The following STAT4 variants were observed in gnomAD, a reference collection of about 807,000 sequenced individuals.
The protein encoded by STAT4 is signal transducer and activator of transcription 4.
In STAT4, 42 loss-of-function variants were observed where a neutral mutation model predicts 110.5. The observed-to-expected ratio is 0.38, with a 90% CI of 0.30 to 0.49. STAT4 has a LOEUF of 0.49. Among genes scored for constraint, STAT4 ranks in the 20% least tolerant of loss-of-function variants. The pLI, the probability that STAT4 is intolerant of heterozygous loss-of-function variation, is 0.95. For synonymous variants in STAT4, 284 were observed against 302.2 expected (o/e 0.94, Z 0.63); for missense variants, 632 against 887.9 (o/e 0.71, Z 3.66).
Position 191,076,326 on chromosome 2 carries a change from C to CT in STAT4, c.274-2dup. 1 of 1,588,444 alleles carries CT rather than the reference C, an allele frequency of 6.3e-7. No homozygotes were observed. Among genetic ancestry groups the CT allele is most frequent in the South Asian group, 1.2e-5 (1 of 86,824 alleles). ...GCATTGGATTTCCATGAAATTTTCC[C>CT]TGAAAAAAAAAACAATGAGCAAAAA... is the stretch of plus-strand genomic sequence containing the variant. On this transcript the variant is annotated splice_acceptor_variant, in intron 3 of 23. Coordinates refer to ENST00000392320, the MANE Select transcript of STAT4 (RefSeq NM_003151.4). LOFTEE classifies it high-confidence loss of function.
intron 14 of STAT4, among the ~76,000 whole-genome samples, chr2:191,052,792 G>A (rs1166912189): frequency 6.6e-6 from 1 of 152,178 alleles, no homozygotes; most frequent in Admixed American, 6.5e-5. Flanking sequence ...TATTTAAAAT[G>A]TGCCAATGTT....
intron 3 of STAT4, among the ~76,000 whole-genome samples, chr2:191,096,466 T>C (rs564058021): frequency 2.6e-5 from 4 of 152,274 alleles, no homozygotes; most frequent in Admixed American, 1.3e-4. Flanking sequence ...TGGTTCAACA[T>C]ATGCAAATCG....
Position 191,031,154 on chromosome 2 carries a change from GGAA to G in STAT4, c.2112-77_2112-75del. ...TAGTTCACGGTGACTTACTATGTCAGGAACTCATTTCTAGGGCTTCATCTATTT... is the reference window on the plus strand; with the variant it reads ...TAGTTCACGGTGACTTACTATGTCAGCTCATTTCTAGGGCTTCATCTATTT... On this transcript the variant is annotated intron_variant, in intron 22 of 23. Coordinates refer to ENST00000392320, the MANE Select transcript of STAT4 (RefSeq NM_003151.4). The surrounding 1 kb of genome is among the most constrained non-coding windows in gnomAD (Gnocchi z 4.8). 6.9e-7 allele frequency: 1 copy of G among 1,459,850 alleles called. No homozygotes were observed. The highest frequency in any genetic ancestry group is 9.6e-7 in the Non-Finnish European group (1 of 1,045,544). 90.4% of individuals were successfully genotyped at this position (1,459,850 alleles called of 1,614,324 possible).
chr2:191,146,555 T>C lies in STAT4; in HGVS notation c.273+58A>G. 1 of 1,323,176 alleles carries C rather than the reference T, an allele frequency of 7.6e-7. No individual in the cohort carries two copies. The highest frequency in any genetic ancestry group is 9.8e-7 in the Non-Finnish European group (1 of 1,018,294). 82.0% of individuals were successfully genotyped at this position (1,323,176 alleles called of 1,614,324 possible). A position where few individuals can be genotyped will look rare whatever the true frequency, so the allele number is the denominator to read the frequency against. On this transcript the variant is annotated intron_variant, in intron 3 of 23. Transcript: ENST00000392320. The surrounding 1 kb of genome is among the most constrained non-coding windows in gnomAD (Gnocchi z 4.5). ...AATATAAGGGTACATATTTAATTTT[T>C]AACTAAATTTAAGACTCATATATCC...
chr2:191,105,674 A>T (rs1698259079), intron 3 of STAT4, among the ~76,000 whole-genome samples: 1 of 152,226 alleles, frequency 6.6e-6, no homozygotes, highest in Non-Finnish European at 1.5e-5. Flanking sequence ...AGTTTTAAAA[A>T]TTTAAAATCA....
rs1484765993 is a variant in STAT4, at chr2:191,035,495, C to A, written c.1570+669G>T. Among the ~76,000 whole-genome samples the A allele has an allele frequency of 2.0e-5, 3 of 152,116 alleles. No individual in the cohort carries two copies. Among genetic ancestry groups the A allele is most frequent in the Admixed American group, 1.3e-4 (2 of 15,266 alleles). ...AACGCATATAGATCTAATTTTAACTCTTTTTTTGGTGTTAAATATGTTAAA... is the reference window on the plus strand; with the variant it reads ...AACGCATATAGATCTAATTTTAACTATTTTTTTGGTGTTAAATATGTTAAA... On this transcript the variant is annotated intron_variant, in intron 17 of 23. Coordinates refer to ENST00000392320, the MANE Select transcript of STAT4 (RefSeq NM_003151.4). This position sits in a 1 kb window ranked among gnomAD's most constrained non-coding sequence, Gnocchi z 4.7.
At chr2:191,149,795 A>C (rs754300753) in intron 1 of STAT4, among the ~76,000 whole-genome samples, 7 of 152,226 alleles carry the variant, frequency 4.6e-5, no homozygotes, top group Non-Finnish European at 8.8e-5. Context: ...AGTTAATGAC[A>C]ACAGAGAACA....
At chr2:191,041,220 A>G in intron 14 of STAT4, 72 bp from the exon 15 acceptor site, 1 of 659,756 alleles carries the variant, frequency 1.5e-6, no homozygotes, top group African/African-American at 1.9e-5. Flanking sequence ...TTGTTTCTAT[A>G]TAAATTAATA....
Position 191,061,901 on chromosome 2 carries a change from T to C in STAT4, c.942-80A>G. 1.5e-6 allele frequency: 2 copies of C among 1,367,684 alleles called. No homozygotes were observed. Among genetic ancestry groups the C allele is most frequent in the East Asian group, 2.3e-5 (1 of 43,388 alleles). The allele number at this position is 1,367,684 out of a possible 1,614,324, so 84.7% of individuals were successfully genotyped here. A position where few individuals can be genotyped will look rare whatever the true frequency, so the allele number is the denominator to read the frequency against. On this transcript the variant is annotated intron_variant, in intron 9 of 23. Coordinates refer to ENST00000392320, the MANE Select transcript of STAT4 (RefSeq NM_003151.4). This position sits in a 1 kb window ranked among gnomAD's most constrained non-coding sequence, Gnocchi z 6.2. ...TGAAAACCACAGAGGAACAGGATGC[T>C]ATCCACTCAAAGTCCAAATTTTCTA...
rs1699485866 is a variant in STAT4, at chr2:191,147,258, C to G, written c.129-501G>C. Among the ~76,000 whole-genome samples, 3 of 152,078 alleles carry G rather than the reference C, an allele frequency of 2.0e-5. No homozygotes were observed. The South Asian group carries it at 6.2e-4, about 32-fold the overall frequency. On this transcript the variant is annotated intron_variant, in intron 2 of 23. Coordinates refer to ENST00000392320, the MANE Select transcript of STAT4 (RefSeq NM_003151.4). This position sits in a 1 kb window ranked among gnomAD's most constrained non-coding sequence, Gnocchi z 4.1. ...CAAAATGTTTGAACAACCCAAATGTCCATTGACAGATACATTTATAAAACA... is the reference window on the plus strand; with the variant it reads ...CAAAATGTTTGAACAACCCAAATGTGCATTGACAGATACATTTATAAAACA...
At chr2:191,084,842 T>A (rs1019446179) in intron 3 of STAT4, among the ~76,000 whole-genome samples, 6 of 151,946 alleles carry the variant, frequency 3.9e-5, no homozygotes, top group Non-Finnish European at 7.4e-5. Context: ...ATCTACTCTT[T>A]AATAAAAAAT....
rs768565504 is a variant in STAT4 at position 191,110,738 on chromosome 2, AT to A, written c.274-34414del. On this transcript the variant is annotated intron_variant, in intron 3 of 23. Coordinates refer to ENST00000392320, the MANE Select transcript of STAT4 (RefSeq NM_003151.4). This position sits in a 1 kb window ranked among gnomAD's most constrained non-coding sequence, Gnocchi z 4.5. ...AGTACCGTATCACTGAGTTTCTAAA[AT>A]TTATAGCACTACATTGAATTATATT... Among the ~76,000 whole-genome samples the A allele has an allele frequency of 6.6e-6, 1 of 152,148 alleles. No individual in the cohort carries two copies. Among genetic ancestry groups the A allele is most frequent in the Non-Finnish European group, 1.5e-5 (1 of 68,028 alleles).
chr2:191,131,907 C>T, intron 3 of STAT4: 1 of 1,407,186 alleles, frequency 7.1e-7, no homozygotes. Flanking sequence ...GGGACTAAAG[C>T]AAATTAGAGG....
intron 3 of STAT4, among the ~76,000 whole-genome samples, chr2:191,125,698 G>T (rs1559078574): frequency 6.6e-6 from 1 of 151,832 alleles, no homozygotes; most frequent in Non-Finnish European, 1.5e-5. Context: ...TGCCCAGTCT[G>T]GTCTTGAACT....
intron 6 of STAT4, among the ~76,000 whole-genome samples, chr2:191,068,963 T>A (rs4853457): frequency 0.5 from 76,092 of 151,922 alleles, 22,402 homozygotes; most frequent in Non-Finnish European, 0.65. Flanking sequence ...AATAGTAAAA[T>A]AAATTGCAGT....
chr2:191,036,030 C>G, intron 17 of STAT4, 134 bp downstream of exon 17: 1 of 1,106,902 alleles, frequency 9.0e-7, no homozygotes, highest in South Asian at 1.7e-5. Flanking sequence ...TAGTTCTGTG[C>G]CTGGCAATAT....
intron 3 of STAT4, among the ~76,000 whole-genome samples, chr2:191,127,052 G>A (rs779986438): frequency 7.3e-5 from 11 of 151,596 alleles, no homozygotes; most frequent in Non-Finnish European, 1.6e-4. Flanking sequence ...TAACTTTTGT[G>A]TTATGGAAAA....
Position 191,032,948 on chromosome 2 carries a change from A to G in STAT4, c.2044+10T>C. On this transcript the variant is annotated intron_variant, in intron 21 of 23. Coordinates refer to ENST00000392320, the MANE Select transcript of STAT4 (RefSeq NM_003151.4). This position sits in a 1 kb window ranked among gnomAD's most constrained non-coding sequence, Gnocchi z 4.9. ...GGAAAAAAAAACAAAAACAAACAGA[A>G]AAACCTAACCTTCGCAAGGCTGAGA... is the stretch of plus-strand genomic sequence containing the variant. 2 of 1,581,198 alleles carry G rather than the reference A, an allele frequency of 1.3e-6. No individual in the cohort carries two copies. Among genetic ancestry groups the G allele is most frequent in the East Asian group, 4.5e-5 (2 of 44,682 alleles).
chr2:191,054,126 CAAAAAAA>C (rs1351116378), intron 14 of STAT4, among the ~76,000 whole-genome samples: 1 of 51,812 alleles, frequency 1.9e-5, no homozygotes, highest in Non-Finnish European at 4.3e-5. Context: ...AGACCCTTCT[CAAAAAAA>C]AAAAAAAAAA....
Sources: allele counts gnomAD v4.1 joint callset (sites outside exome capture counted in the v4.1 genomes callset), GRCh38; gene constraint gnomAD v4.1.1; non-coding constraint Gnocchi (gnomAD v3.1); transcripts MANE v1.5; gene names NCBI Gene and HGNC (gene_info 2026-07-23, HGNC 2026-07-21).